MACROD2: variants seen among roughly 807,000 people sequenced by gnomAD.
MACROD2 encodes mono-ADP ribosylhydrolase 2, also known as ADP-ribose glycohydrolase MACROD2.
MACROD2 carries 36 observed loss-of-function variants against 70.4 expected under a neutral mutation model. The ratio of observed to expected loss-of-function variants is 0.51; its 90% CI spans 0.39 to 0.68. The LOEUF (loss-of-function observed/expected upper bound fraction) is 0.68, where lower values mean the gene tolerates loss of function less well. Among genes scored for constraint, MACROD2 ranks in the 30% least tolerant of loss-of-function variants. The probability of loss-of-function intolerance (pLI) is 0.00; values close to 1 mark genes in which losing one functional copy is unlikely to be tolerated. For synonymous variants in MACROD2, 172 were observed against 178.8 expected, an observed-to-expected ratio of 0.96 and a Z score of 0.30; for missense variants, 496 against 538.4, an observed-to-expected ratio of 0.92 and a Z score of 0.78.
chr20:15,251,152 G>A (rs1269386730), intron 6 of MACROD2, among the ~76,000 whole-genome samples: 2 of 152,120 alleles, frequency 1.3e-5, no homozygotes, highest in African/African-American at 4.8e-5. Context: ...AAAGGGGTAG[G>A]GGTCAGATGA....
At chr20:14,127,635 A>C (rs1485238671) in intron 3 of MACROD2, 1 of 431,320 alleles carries the variant, frequency 2.3e-6, no homozygotes, top group South Asian at 3.0e-5. Flanking sequence ...ACAGAAATTC[A>C]AAACAGAATG....
chr20:15,973,389 A>G (rs1439757842), intron 13 of MACROD2, among the ~76,000 whole-genome samples: 3 of 152,204 alleles, frequency 2.0e-5, no homozygotes, highest in African/African-American at 7.2e-5. Flanking sequence ...ATACCACTCA[A>G]AAACTAAAAA....
chr20:16,025,992 A>G (rs2067073793), intron 15 of MACROD2, among the ~76,000 whole-genome samples: 1 of 151,420 alleles, frequency 6.6e-6, no homozygotes, highest in Admixed American at 6.6e-5. Flanking sequence ...CTAAAAAAAA[A>G]AAAAAGAAAA....
intron 5 of MACROD2, among the ~76,000 whole-genome samples, chr20:15,028,946 GC>G (rs532843530): frequency 1.3e-3 from 198 of 152,330 alleles, no homozygotes; most frequent in African/African-American, 4.5e-3. Context: ...TCCTTAGGGA[GC>G]TACGGATGTC....
chr20:15,163,818 CATGTT>C (rs1231373286), intron 5 of MACROD2, among the ~76,000 whole-genome samples: 2 of 152,062 alleles, frequency 1.3e-5, no homozygotes, highest in Non-Finnish European at 2.9e-5. Context: ...AAAGCTGACT[CATGTT>C]ATAGGCCATA....
intron 7 of MACROD2, among the ~76,000 whole-genome samples, chr20:15,432,715 CA>C (rs11480250): frequency 1.3e-5 from 2 of 151,544 alleles, no homozygotes; most frequent in South Asian, 2.1e-4. Context: ...TTTTCCTTGC[CA>C]AAAAAACAAA....
intron 5 of MACROD2, chr20:14,894,681 T>G (rs2073806484): frequency 6.6e-6 from 1 of 152,198 alleles, no homozygotes; most frequent in South Asian, 2.1e-4. Flanking sequence ...CTTTTTTTAT[T>G]TGAAAAATAT....
intron 3 of MACROD2, among the ~76,000 whole-genome samples, chr20:14,263,129 T>G (rs549733058): frequency 2.0e-5 from 3 of 152,238 alleles, no homozygotes; most frequent in Non-Finnish European, 4.4e-5. Context: ...ATGCACCTTT[T>G]TTTGATACTA....
intron 8 of MACROD2, among the ~76,000 whole-genome samples, chr20:15,560,999 C>T (rs2048236652): frequency 6.6e-6 from 1 of 151,878 alleles, no homozygotes; most frequent in Admixed American, 6.6e-5. Flanking sequence ...ATTATTTGCC[C>T]AAACAAAGGA....
At chr20:14,874,371 A>G (rs1477039877) in intron 5 of MACROD2, among the ~76,000 whole-genome samples, 4 of 149,972 alleles carry the variant, frequency 2.7e-5, no homozygotes, top group Non-Finnish European at 1.5e-5. Context: ...CTTTTTGTAA[A>G]CTGCAGACAA....
intron 3 of MACROD2, among the ~76,000 whole-genome samples, chr20:14,247,554 G>A (rs2081977264): frequency 6.6e-6 from 1 of 152,120 alleles, no homozygotes; most frequent in Non-Finnish European, 1.5e-5. Flanking sequence ...TGTTTTACAG[G>A]TTGGGTGTCC....
intron 8 of MACROD2, among the ~76,000 whole-genome samples, chr20:15,848,360 AGG>A (rs1204169863): frequency 6.6e-6 from 1 of 151,250 alleles, no homozygotes; most frequent in African/African-American, 2.4e-5. Context: ...TGTACAAGCC[AGG>A]GGGAGGGGGG....
chr20:15,851,056 G>A (rs955035055), intron 8 of MACROD2, among the ~76,000 whole-genome samples: 1 of 151,978 alleles, frequency 6.6e-6, no homozygotes, highest in African/African-American at 2.4e-5. Flanking sequence ...GGAAAAAATG[G>A]GCATGGGAAG....
At chr20:15,012,146 CTT>C (rs781211951) in intron 5 of MACROD2, among the ~76,000 whole-genome samples, 5 of 152,138 alleles carry the variant, frequency 3.3e-5, no homozygotes, top group Non-Finnish European at 5.9e-5. Context: ...TTTCAAAATA[CTT>C]TGTCATTAAT....
At chr20:14,393,731 G>A (rs1190581217) in intron 3 of MACROD2, among the ~76,000 whole-genome samples, 2 of 152,146 alleles carry the variant, frequency 1.3e-5, no homozygotes, top group Admixed American at 1.3e-4. Context: ...TATGTGAGGG[G>A]AGTTGTTATG....
At chr20:14,322,240 T>C (rs569840120) in intron 3 of MACROD2, among the ~76,000 whole-genome samples, 1 of 133,872 alleles carries the variant, frequency 7.5e-6, no homozygotes, top group East Asian at 2.2e-4. Flanking sequence ...ATAGCAAGCG[T>C]AGGTAAAGAA....
chr20:14,670,220 T>C (rs2070779300), intron 4 of MACROD2, among the ~76,000 whole-genome samples: 1 of 152,152 alleles, frequency 6.6e-6, no homozygotes, highest in African/African-American at 2.4e-5. Context: ...AATTTACTCC[T>C]CATTCAGACT....
chr20:15,024,166 C>A (rs1202272101), intron 5 of MACROD2, among the ~76,000 whole-genome samples: 1 of 152,160 alleles, frequency 6.6e-6, no homozygotes, highest in Non-Finnish European at 1.5e-5. Context: ...AGAGCAGGAA[C>A]TCTGTAGAAC....
At chr20:14,017,566 T>C (rs1434978020) in intron 2 of MACROD2, among the ~76,000 whole-genome samples, 1 of 152,138 alleles carries the variant, frequency 6.6e-6, no homozygotes, top group African/African-American at 2.4e-5. Context: ...TATATAAGTT[T>C]AGATGATCAT....
Sources: allele counts gnomAD v4.1 joint callset (sites outside exome capture counted in the v4.1 genomes callset), GRCh38; gene constraint gnomAD v4.1.1; transcripts MANE v1.5; gene names NCBI Gene and HGNC (gene_info 2026-07-23, HGNC 2026-07-21).